Variants in CAMTA1 observed in about 807,000 individuals in gnomAD.
The protein encoded by CAMTA1 is calmodulin-binding transcription activator 1.
Under a neutral mutation model 170.9 loss-of-function variants are expected in CAMTA1, and 27 were observed. That is an observed-to-expected ratio of 0.16 (90% CI 0.12 to 0.22). CAMTA1 has a LOEUF of 0.22. Ranked by LOEUF, CAMTA1 falls within the 10% of genes least tolerant of loss-of-function variation. CAMTA1 has a pLI of 1.00. For missense variants in CAMTA1, 1,619 were observed against 2,217.2 expected (o/e 0.73, Z 5.42); for synonymous variants, 833 against 891.5 (o/e 0.93, Z 1.17).
chr1:6,852,186 C>A (rs1660661275), intron 3 of CAMTA1, among the ~76,000 whole-genome samples: 1 of 151,778 alleles, frequency 6.6e-6, no homozygotes, highest in African/African-American at 2.4e-5. Context: ...AATGTTATAC[C>A]CTTCAAAAGT....
At chr1:7,275,477 T>C (rs1670454766) in intron 5 of CAMTA1, among the ~76,000 whole-genome samples, 1 of 152,032 alleles carries the variant, frequency 6.6e-6, no homozygotes, top group Non-Finnish European at 1.5e-5. Flanking sequence ...AACAAAAAGC[T>C]ATCTCTCTTC....
At chr1:6,953,147 G>A (rs1035622960) in intron 3 of CAMTA1, among the ~76,000 whole-genome samples, 10 of 152,114 alleles carry the variant, frequency 6.6e-5, no homozygotes, top group African/African-American at 1.7e-4. Context: ...CTGATAGCCC[G>A]TCCTGCATCT....
chr1:7,664,942 G>A lies in CAMTA1; in HGVS notation c.2395G>A (p.Asp799Asn), dbSNP rs2095988690. ...TIYGHQLVSGDSTALSQSEDG... is the reference protein window; with the variant it reads ...TIYGHQLVSGNSTALSQSEDG... ...CTATGGGCACCAGCTGGTGTCGGGG[G>A]ACAGCACGGCGCTCTCACAGTCAGA... Residue 799 changes from aspartate (D) to asparagine (N), a missense_variant, in exon 9 of 23, where the codon GAC (aspartate) becomes AAC (asparagine). By Grantham distance (23) the Asp-to-Asn change is conservative (BLOSUM62 1). Coordinates refer to ENST00000303635, the MANE Select transcript of CAMTA1 (RefSeq NM_015215.4). 1 of 1,613,066 alleles carries A rather than the reference G, an allele frequency of 6.2e-7. No homozygotes were observed.
At chr1:6,790,830 AATG>A (rs1183671628) in intron 1 of CAMTA1, among the ~76,000 whole-genome samples, 1 of 152,210 alleles carries the variant, frequency 6.6e-6, no homozygotes, top group African/African-American at 2.4e-5. Context: ...AGGTATAAAT[AATG>A]ATAATAATAA....
intron 3 of CAMTA1, chr1:6,872,091 T>C: frequency 1.7e-6 from 1 of 593,532 alleles, no homozygotes; most frequent in Non-Finnish European, 2.2e-6. Context: ...GTATATTTCC[T>C]TTTTTATTCA....
At chr1:7,071,848 G>A (rs910214776) in intron 3 of CAMTA1, among the ~76,000 whole-genome samples, 2 of 152,178 alleles carry the variant, frequency 1.3e-5, no homozygotes, top group African/African-American at 4.8e-5. Context: ...CCTCCTGCCT[G>A]GGGGGCCATT....
At chr1:6,855,246 A>G (rs943969191) in intron 3 of CAMTA1, among the ~76,000 whole-genome samples, 16 of 152,106 alleles carry the variant, frequency 1.1e-4, no homozygotes, top group Admixed American at 5.9e-4. Context: ...GGAGAGAGAA[A>G]CCAGTTGTAT....
chr1:6,922,576 A>G (rs1040036694), intron 3 of CAMTA1, among the ~76,000 whole-genome samples: 1 of 152,074 alleles, frequency 6.6e-6, no homozygotes, highest in Admixed American at 6.6e-5. Flanking sequence ...GGACAGCCAC[A>G]TTTCTCCCCT....
rs1295587093 is a variant in CAMTA1 at position 7,032,542 on chromosome 1, A to G, written c.235-58762A>G. ...CCTTTTACTTATAGATTTGTTATAA[A>G]CCCTGTGATTTATTATTTTGCTTTA... On this transcript the variant is annotated intron_variant, in intron 3 of 22. Coordinates refer to ENST00000303635, the MANE Select transcript of CAMTA1 (RefSeq NM_015215.4). Among the ~76,000 whole-genome samples, 5 of 152,060 alleles carry G rather than the reference A, an allele frequency of 3.3e-5. No homozygotes were observed. The East Asian group carries it at 5.8e-4, about 18-fold the overall frequency.
At chr1:6,969,176 G>A (rs573518019) in intron 3 of CAMTA1, among the ~76,000 whole-genome samples, 1 of 152,264 alleles carries the variant, frequency 6.6e-6, no homozygotes, top group African/African-American at 2.4e-5. Context: ...CTTGTCTACC[G>A]CAAAGGGCAC....
At chr1:7,737,869 T>C (rs1211302589) in intron 15 of CAMTA1, 90 bp from the exon 16 acceptor site, 1 of 1,354,772 alleles carries the variant, frequency 7.4e-7, no homozygotes, top group Non-Finnish European at 1.0e-6. Flanking sequence ...CTTTGCACTT[T>C]GTGTCTCTCA....
intron 3 of CAMTA1, among the ~76,000 whole-genome samples, chr1:6,875,316 G>A (rs553158769): frequency 6.6e-6 from 1 of 151,964 alleles, no homozygotes; most frequent in South Asian, 2.1e-4. Flanking sequence ...TTTTTGAGAT[G>A]GAGTCTCGCA....
chr1:7,507,983 C>T (rs2094145869), intron 6 of CAMTA1, among the ~76,000 whole-genome samples: 1 of 152,278 alleles, frequency 6.6e-6, no homozygotes, highest in African/African-American at 2.4e-5. Flanking sequence ...GTAATGCCCA[C>T]TTGTTCCTTC....
At position 7,216,868 on chromosome 1, in the gene CAMTA1, T is replaced by A. The variant is rs1182991357; in HGVS notation, c.303-32623T>A. 6.6e-6 allele frequency among the ~76,000 whole-genome samples: 1 copy of A among 152,206 alleles called. No individual in the cohort carries two copies. Among genetic ancestry groups the A allele is most frequent in the Non-Finnish European group, 1.5e-5 (1 of 68,034 alleles). Reference sequence around the variant, plus strand: ...GTCTTGTTTGGTGCACTAATACTCATTATGGTTATATTTTTATTGTGGAAT... The same window carrying A: ...GTCTTGTTTGGTGCACTAATACTCAATATGGTTATATTTTTATTGTGGAAT... On this transcript the variant is annotated intron_variant, in intron 4 of 22. Coordinates refer to ENST00000303635, the MANE Select transcript of CAMTA1 (RefSeq NM_015215.4). This position sits in a 1 kb window ranked among gnomAD's most constrained non-coding sequence, Gnocchi z 4.0.
intron 5 of CAMTA1, among the ~76,000 whole-genome samples, chr1:7,271,168 T>C (rs1385335194): frequency 6.6e-6 from 1 of 152,126 alleles, no homozygotes; most frequent in Non-Finnish European, 1.5e-5. Flanking sequence ...CTTGATCCAA[T>C]ATGATTAGTA....
intron 6 of CAMTA1, among the ~76,000 whole-genome samples, chr1:7,566,694 G>C (rs1262064194): frequency 1.3e-5 from 2 of 152,194 alleles, no homozygotes; most frequent in Non-Finnish European, 2.9e-5. Flanking sequence ...GTCCCTCTGG[G>C]CTGTGTCACA....
intron 3 of CAMTA1, among the ~76,000 whole-genome samples, chr1:7,036,035 A>G (rs1703547874): frequency 6.6e-6 from 1 of 152,238 alleles, no homozygotes; most frequent in Non-Finnish European, 1.5e-5. Context: ...TTTGTTGTTT[A>G]TGGACGCCTA....
At chr1:7,233,965 C>T (rs759017115) in intron 4 of CAMTA1, among the ~76,000 whole-genome samples, 32 of 152,286 alleles carry the variant, frequency 2.1e-4, no homozygotes, top group Non-Finnish European at 3.8e-4. Flanking sequence ...TTCTTCCTTG[C>T]GCTTACCGGA....
At chr1:6,995,295 C>CTTTTTTTTTTTTTTTTTTTTTTTTT (rs765139922) in intron 3 of CAMTA1, among the ~76,000 whole-genome samples, 4 of 60,622 alleles carry the variant, frequency 6.6e-5, no homozygotes, top group Non-Finnish European at 1.2e-4. Context: ...TTTTTCTTTT[C>CTTTTTTTTTTTTTTTTTTTTTTTTT]TTTTTTTTTT....
Sources: gnomAD v4.1 joint callset for allele counts (sites outside exome capture counted in the v4.1 genomes callset) on GRCh38, gnomAD v4.1.1 for gene constraint, Gnocchi (gnomAD v3.1) non-coding constraint, MANE v1.5 for transcripts, NCBI Gene and HGNC (gene_info 2026-07-23, HGNC 2026-07-21) for gene names.